Variants in GABRA2 observed in about 807,000 individuals in gnomAD.
The protein encoded by GABRA2 is gamma-aminobutyric acid receptor subunit alpha-2.
GABRA2 carries 16 observed loss-of-function variants against 48.7 expected under a neutral mutation model. The ratio of observed to expected loss-of-function variants is 0.33; its 90% CI spans 0.22 to 0.50. The LOEUF (loss-of-function observed/expected upper bound fraction) is 0.50, where lower values mean the gene tolerates loss of function less well. GABRA2 is among the 20% of genes least tolerant of loss of function. GABRA2 has a pLI of 0.98. For synonymous variants in GABRA2, 185 were observed against 184.5 expected (o/e 1.00, Z -0.02); for missense variants, 275 against 535.6 (o/e 0.51, Z 4.80).
At chr4:46,319,980 CAGAG>C (rs1729181339) in intron 4 of GABRA2, among the ~76,000 whole-genome samples, 1 of 151,542 alleles carries the variant, frequency 6.6e-6, no homozygotes. Flanking sequence ...AAAAAAAAGA[CAGAG>C]AGGCAAGATT....
chr4:46,328,306 ATGTG>A (rs565459749), intron 4 of GABRA2, among the ~76,000 whole-genome samples: 2 of 150,378 alleles, frequency 1.3e-5, no homozygotes, highest in Non-Finnish European at 3.0e-5. Context: ...GCGCACACGC[ATGTG>A]TGTGTGTGTT....
intron 3 of GABRA2, among the ~76,000 whole-genome samples, chr4:46,346,289 T>C (rs1734126875): frequency 6.6e-6 from 1 of 151,868 alleles, no homozygotes; most frequent in Admixed American, 6.6e-5. Flanking sequence ...TTACCTAGTA[T>C]CCTACTCCCA....
chr4:46,331,417 G>A (rs1032020524), intron 4 of GABRA2, among the ~76,000 whole-genome samples: 2 of 152,080 alleles, frequency 1.3e-5, no homozygotes, highest in Non-Finnish European at 2.9e-5. Flanking sequence ...GTTCTCTAAC[G>A]GAAACGTAGG....
chr4:46,389,261 T>C (rs1717908423), intron 1 of GABRA2: 2 of 985,508 alleles, frequency 2.0e-6, no homozygotes, highest in South Asian at 9.4e-5. Flanking sequence ...CGTCTTCTTT[T>C]CTTCACTCCC....
intron 1 of GABRA2, chr4:46,389,069 G>T (rs199813896): frequency 2.0e-6 from 2 of 1,019,400 alleles, no homozygotes; most frequent in Non-Finnish European, 2.3e-6. Context: ...CTTTAAACTG[G>T]CATAGCAGCT....
chr4:46,388,767 G>C (rs557423341), intron 1 of GABRA2, 51 bp from the exon 2 acceptor site: 10 of 1,612,182 alleles, frequency 6.2e-6, no homozygotes, highest in Admixed American at 5.0e-5. Context: ...ATTGCCTTCA[G>C]TTTCACTATC....
At chr4:46,343,347 C>A (rs531482883) in intron 3 of GABRA2, among the ~76,000 whole-genome samples, 1 of 152,004 alleles carries the variant, frequency 6.6e-6, no homozygotes, top group Admixed American at 6.6e-5. Flanking sequence ...AGGGAACCAA[C>A]CATTTAGCCT....
chr4:46,267,827 G>C (rs73131347), intron 8 of GABRA2, among the ~76,000 whole-genome samples: 13,143 of 151,926 alleles, frequency 0.087, 1,885 homozygotes, highest in African/African-American at 0.3. Flanking sequence ...AAAAGTCTCA[G>C]ATTTAATATT....
chr4:46,279,905 T>C (rs913308450), intron 8 of GABRA2, among the ~76,000 whole-genome samples: 1 of 152,106 alleles, frequency 6.6e-6, no homozygotes, highest in Non-Finnish European at 1.5e-5. Flanking sequence ...CCACTACTTA[T>C]AGATTATATA....
chr4:46,286,210 C>G (rs1722514377), intron 8 of GABRA2, among the ~76,000 whole-genome samples: 1 of 152,006 alleles, frequency 6.6e-6, no homozygotes, highest in Non-Finnish European at 1.5e-5. Flanking sequence ...TAATTTATGA[C>G]CATTTTTGTC....
intron 8 of GABRA2, among the ~76,000 whole-genome samples, chr4:46,268,018 T>C (rs922227454): frequency 1.3e-5 from 2 of 151,968 alleles, no homozygotes; most frequent in East Asian, 1.9e-4. Flanking sequence ...GGATAAGGGA[T>C]AGTCGACCTG....
chr4:46,299,428 C>A (rs978668629), intron 8 of GABRA2, among the ~76,000 whole-genome samples: 2 of 151,820 alleles, frequency 1.3e-5, no homozygotes, highest in African/African-American at 4.8e-5. Context: ...TAATCTTACA[C>A]AACTTGGTTG....
intron 3 of GABRA2, among the ~76,000 whole-genome samples, chr4:46,370,528 T>C (rs189848351): frequency 2.8e-4 from 43 of 152,232 alleles, no homozygotes; most frequent in African/African-American, 9.4e-4. Context: ...ATGCCATGTA[T>C]AAAGAATGTA....
At chr4:46,345,633 C>T (rs1232447364) in intron 3 of GABRA2, among the ~76,000 whole-genome samples, 3 of 151,828 alleles carry the variant, frequency 2.0e-5, no homozygotes, top group Admixed American at 1.3e-4. Context: ...GTAAGCTGCT[C>T]ATTAGGATAC....
chr4:46,360,834 G>T (rs746031956), intron 3 of GABRA2, among the ~76,000 whole-genome samples: 2 of 152,218 alleles, frequency 1.3e-5, no homozygotes, highest in Non-Finnish European at 2.9e-5. Flanking sequence ...CTCAGTTGAA[G>T]ATGAGGAACT....
intron 8 of GABRA2, among the ~76,000 whole-genome samples, chr4:46,300,345 T>C (rs1272552192): frequency 6.6e-6 from 1 of 151,980 alleles, no homozygotes; most frequent in Non-Finnish European, 1.5e-5. Context: ...ATTAACATCT[T>C]TTCCTTTTAG....
At chr4:46,388,253 G>C (rs1224472297) in intron 2 of GABRA2, among the ~76,000 whole-genome samples, 2 of 151,960 alleles carry the variant, frequency 1.3e-5, no homozygotes. Flanking sequence ...AAAAAAATTA[G>C]TTAACACTCA....
chr4:46,250,748 A>C, intron 9 of GABRA2, 144 bp from the exon 10 acceptor site: 1 of 621,612 alleles, frequency 1.6e-6, no homozygotes, highest in East Asian at 2.8e-5. Context: ...AAAATAAATA[A>C]AGGTGTTTAT....
At position 46,243,683 on chromosome 4, in the gene GABRA2, T is replaced by G. The variant is rs955543598; in HGVS notation, c.*6625A>C. ...ATGATCAACTAGTGGCCTTTCCCAATTACAACAAGGTCACAATTACAAATA... is the reference window on the plus strand; with the variant it reads ...ATGATCAACTAGTGGCCTTTCCCAAGTACAACAAGGTCACAATTACAAATA... On this transcript the variant is annotated 3_prime_UTR_variant, in exon 10 of 10. Coordinates refer to ENST00000381620, the MANE Select transcript of GABRA2 (RefSeq NM_000807.4). 4 of 151,402 alleles carry G rather than the reference T, an allele frequency of 2.6e-5. No individual in the cohort carries two copies. The highest frequency in any genetic ancestry group is 9.7e-5 in the African/African-American group (4 of 41,378). 9.4% of individuals were successfully genotyped at this position (151,402 alleles called of 1,614,324 possible). A position where few individuals can be genotyped will look rare whatever the true frequency, so the allele number is the denominator to read the frequency against.
Sources: allele counts gnomAD v4.1 joint callset (sites outside exome capture counted in the v4.1 genomes callset), GRCh38; gene constraint gnomAD v4.1.1; transcripts MANE v1.5; gene names NCBI Gene and HGNC (gene_info 2026-07-23, HGNC 2026-07-21).